The following CAMKK2 variants were observed in gnomAD, a reference collection of about 807,000 sequenced individuals.
CAMKK2 encodes calcium/calmodulin dependent protein kinase kinase 2, also known as calcium/calmodulin-dependent protein kinase kinase 2.
A neutral mutation model predicts 67.2 loss-of-function variants in CAMKK2; 30 were observed. That is an observed-to-expected ratio of 0.45 (90% confidence interval 0.33 to 0.61). The LOEUF is 0.61. CAMKK2 is among the 20% of genes least tolerant of loss of function. The pLI is 0.02. For missense variants in CAMKK2, 643 were observed against 802.0 expected (o/e 0.80, Z 2.39); for synonymous variants, 322 against 326.2 (o/e 0.99, Z 0.14).
At chr12:121,283,246 G>A (rs1223494697) in intron 1 of CAMKK2, among the ~76,000 whole-genome samples, 1 of 152,170 alleles carries the variant, frequency 6.6e-6, no homozygotes, top group Non-Finnish European at 1.5e-5. Context: ...AGGCGGTGCT[G>A]GAATATTTCA....
intron 1 of CAMKK2, among the ~76,000 whole-genome samples, chr12:121,294,275 A>C (rs1189108964): frequency 1.3e-5 from 2 of 152,026 alleles, no homozygotes; most frequent in Non-Finnish European, 2.9e-5. Flanking sequence ...GCCTGCCTAC[A>C]GGACACTTTA....
At chr12:121,291,022 G>A (rs1459908309) in intron 1 of CAMKK2, among the ~76,000 whole-genome samples, 1 of 152,174 alleles carries the variant, frequency 6.6e-6, no homozygotes, top group Non-Finnish European at 1.5e-5. Flanking sequence ...GTTTCACCAC[G>A]TTGGCCAGAC....
chr12:121,281,873 G>A (rs902768647), intron 1 of CAMKK2, among the ~76,000 whole-genome samples: 1 of 152,214 alleles, frequency 6.6e-6, no homozygotes, highest in African/African-American at 2.4e-5. Context: ...TTGAGCCTGG[G>A]AGGCAGAGGT....
chr12:121,290,169 G>A (rs972700589), intron 1 of CAMKK2, among the ~76,000 whole-genome samples: 1 of 152,152 alleles, frequency 6.6e-6, no homozygotes, highest in African/African-American at 2.4e-5. Flanking sequence ...GAACATGGAA[G>A]GGTTCAGGAG....
At chr12:121,280,473 A>ACAGGATAACAG (rs1365678785) in intron 1 of CAMKK2, among the ~76,000 whole-genome samples, 2 of 152,370 alleles carry the variant, frequency 1.3e-5, no homozygotes, top group East Asian at 3.9e-4. Context: ...TGAAAAAAGA[A>ACAGGATAACAG]CAGGATAACA....
At chr12:121,269,478 G>C (rs1209545092) in intron 4 of CAMKK2, 50 bp downstream of exon 4, 2 of 1,394,846 alleles carry the variant, frequency 1.4e-6, no homozygotes, top group Non-Finnish European at 2.0e-6. Context: ...TGGAAAGGAG[G>C]CTCTTCTGTG....
chr12:121,281,034 G>GCT (rs1897679122), intron 1 of CAMKK2, among the ~76,000 whole-genome samples: 1 of 152,170 alleles, frequency 6.6e-6, no homozygotes, highest in Non-Finnish European at 1.5e-5. Flanking sequence ...AAACTTGCTG[G>GCT]TTTTTGTGGC....
intron 1 of CAMKK2, among the ~76,000 whole-genome samples, chr12:121,286,055 G>A: frequency 6.6e-6 from 1 of 152,208 alleles, no homozygotes; most frequent in South Asian, 2.1e-4. Flanking sequence ...ATTCAGCCAT[G>A]CCTGAAGCTC....
rs201973542 is a variant in CAMKK2 at position 121,274,536 on chromosome 12, G to A, written c.-10C>T. On this transcript the variant is annotated 5_prime_UTR_variant, in exon 2 of 17. Transcript: ENST00000404169. ...AGACACATGATGACATGGTGCATGC[G>A]CCAGCTTCATCCAGCACACTGGGGC... 4.5e-5 allele frequency: 71 copies of A among 1,592,978 alleles called. No individual in the cohort carries two copies. Among genetic ancestry groups the A allele is most frequent in the Admixed American group, 5.2e-5 (3 of 57,396 alleles).
intron 1 of CAMKK2, among the ~76,000 whole-genome samples, chr12:121,284,196 C>A (rs757458595): frequency 2.3e-4 from 35 of 152,272 alleles, no homozygotes; most frequent in Non-Finnish European, 3.2e-4. Flanking sequence ...CCTGCTCTGA[C>A]CATTTCATTC....
At chr12:121,256,390 C>A (rs910804989) in intron 7 of CAMKK2, among the ~76,000 whole-genome samples, 2 of 152,048 alleles carry the variant, frequency 1.3e-5, no homozygotes, top group Non-Finnish European at 2.9e-5. Context: ...AAAAAAATTT[C>A]TTTGAGATGA....
rs746027244 is a variant in CAMKK2, at chr12:121,253,500, G to A, written c.908-28C>T. 2 of 1,602,890 alleles carry A rather than the reference G, an allele frequency of 1.2e-6. No homozygotes were observed. The highest frequency in any genetic ancestry group is 4.5e-5 in the East Asian group (2 of 44,830). ...GGGGAGGCGTAGACAGCAGGTGGGA[G>A]ATAGGGGCAGGAAAACCTCGTGAGC... is the stretch of plus-strand genomic sequence containing the variant. On this transcript the variant is annotated intron_variant, in intron 9 of 16. Coordinates refer to ENST00000404169, the MANE Select transcript of CAMKK2 (RefSeq NM_001270485.2). The surrounding 1 kb of genome is among the most constrained non-coding windows in gnomAD (Gnocchi z 5.0).
chr12:121,244,486 G>T, intron 16 of CAMKK2, 87 bp downstream of exon 16: 6 of 1,267,572 alleles, frequency 4.7e-6, no homozygotes, highest in African/African-American at 1.5e-5. Flanking sequence ...GCATCTGCCC[G>T]GGTGGGGATG....
intron 16 of CAMKK2, among the ~76,000 whole-genome samples, chr12:121,241,642 C>T (rs576468429): frequency 6.6e-6 from 1 of 152,388 alleles, no homozygotes; most frequent in South Asian, 2.1e-4. Flanking sequence ...ACATGGGTTA[C>T]TGTCTGTCCT....
chr12:121,268,057 A>G (rs1894963615), intron 5 of CAMKK2, among the ~76,000 whole-genome samples: 1 of 97,474 alleles, frequency 1.0e-5, no homozygotes, highest in African/African-American at 4.5e-5. Flanking sequence ...ATTACTTTTC[A>G]TGGCTGAATA....
intron 1 of CAMKK2, among the ~76,000 whole-genome samples, chr12:121,295,085 G>C (rs555156795): frequency 1.3e-5 from 2 of 152,238 alleles, no homozygotes; most frequent in Admixed American, 1.3e-4. Flanking sequence ...CATGAGAATC[G>C]CTTGAACCCG....
rs63023660 is a variant in CAMKK2 at position 121,240,524 on chromosome 12, C to CTTTTT, written c.*170_*174dup. ...ACGGTCGACGTCATGGAGTCAAGTC[C>CTTTTT]TTTTTTTTTTTTTGTCCCCTTTAAA... On this transcript the variant is annotated 3_prime_UTR_variant, in exon 17 of 17. Transcript: ENST00000404169. This position sits in a 1 kb window ranked among gnomAD's most constrained non-coding sequence, Gnocchi z 4.4. 6.4e-4 allele frequency: 934 copies of CTTTTT among 1,470,820 alleles called. 4 individuals are homozygous for CTTTTT. The highest frequency in any genetic ancestry group is 3.0e-3 in the Middle Eastern group (16 of 5,254). The allele number at this position is 1,470,820 out of a possible 1,614,324, so 91.1% of individuals were successfully genotyped here.
intron 1 of CAMKK2, among the ~76,000 whole-genome samples, chr12:121,292,516 T>A (rs1900258922): frequency 6.6e-6 from 1 of 152,138 alleles, no homozygotes; most frequent in South Asian, 2.1e-4. Context: ...AAGATCGGTT[T>A]CAAAAGGGAA....
chr12:121,264,776 A>AAATAATAATAATAAT lies in CAMKK2; in HGVS notation c.626-852_626-838dup, dbSNP rs57906202. ...GTGACACAGCAAGACTCAGTCTCAA[A>AAATAATAATAATAAT]AATAATAATAATAATAATAATAATA... On this transcript the variant is annotated intron_variant, in intron 5 of 16. Coordinates refer to ENST00000404169, the MANE Select transcript of CAMKK2 (RefSeq NM_001270485.2). Among the ~76,000 whole-genome samples, 178 of 139,964 alleles carry AAATAATAATAATAAT rather than the reference A, an allele frequency of 1.3e-3. 1 individual carries two copies. Among genetic ancestry groups the AAATAATAATAATAAT allele is most frequent in the African/African-American group, 3.9e-3 (146 of 37,004 alleles). The allele number at this position is 139,964 out of a possible 152,430, so 91.8% of individuals were successfully genotyped here. A position where few individuals can be genotyped will look rare whatever the true frequency, so the allele number is the denominator to read the frequency against.
Sources: gnomAD v4.1 joint callset for allele counts (sites outside exome capture counted in the v4.1 genomes callset) on GRCh38, gnomAD v4.1.1 for gene constraint, Gnocchi (gnomAD v3.1) non-coding constraint, MANE v1.5 for transcripts, NCBI Gene and HGNC (gene_info 2026-07-23, HGNC 2026-07-21) for gene names.